The following UBE2V1 variants were observed in gnomAD, a reference collection of about 807,000 sequenced individuals.
UBE2V1 encodes the protein ubiquitin conjugating enzyme E2 V1, also known as ubiquitin-conjugating enzyme E2 variant 1.
Under a neutral mutation model 19.6 loss-of-function variants are expected in UBE2V1, and 15 were observed. That is an observed-to-expected ratio of 0.77 (90% CI 0.51 to 1.18). The LOEUF is 1.18. Ranked by LOEUF, UBE2V1 falls within the 50% of genes most tolerant of loss-of-function variation. UBE2V1 has a pLI of 0.00. For synonymous variants in UBE2V1, 60 were observed against 60.7 expected (o/e 0.99, Z 0.05); for missense variants, 125 against 184.8 (o/e 0.68, Z 1.88).
Position 50,113,147 on chromosome 20 carries a change from GA to G in UBE2V1, c.-20del. ...CTGCCATCTTGCGTCGCTCTTGCTT[GA>G]AGGCCGGCCCCTTCTTCACCCCCCC... On this transcript the variant is annotated 5_prime_UTR_variant, in exon 1 of 4. Coordinates refer to ENST00000371674, the MANE Select transcript of UBE2V1 (RefSeq NM_001032288.3). 1 of 1,341,122 alleles carries G rather than the reference GA, an allele frequency of 7.5e-7. No homozygotes were observed. The highest frequency in any genetic ancestry group is 9.7e-7 in the Non-Finnish European group (1 of 1,033,210). 83.1% of individuals were successfully genotyped at this position (1,341,122 alleles called of 1,614,324 possible). A position where few individuals can be genotyped will look rare whatever the true frequency, so the allele number is the denominator to read the frequency against.
At chr20:50,086,575 C>T (rs73276492) in intron 2 of UBE2V1, among the ~76,000 whole-genome samples, 1,882 of 152,266 alleles carry the variant, frequency 0.012, 38 homozygotes, top group African/African-American at 0.043. Context: ...TCTCCATCAA[C>T]AACTATATAC....
At chr20:50,090,323 A>G (rs1328472586) in intron 2 of UBE2V1, among the ~76,000 whole-genome samples, 2 of 152,214 alleles carry the variant, frequency 1.3e-5, no homozygotes, top group South Asian at 2.1e-4. Context: ...TAGAGAAAAT[A>G]TGGCATATAT....
At chr20:50,101,249 A>G (rs1335331974) in intron 1 of UBE2V1, among the ~76,000 whole-genome samples, 1 of 152,206 alleles carries the variant, frequency 6.6e-6, no homozygotes. Flanking sequence ...GGACTGGCCA[A>G]TATCTATCTG....
intron 2 of UBE2V1, among the ~76,000 whole-genome samples, chr20:50,085,203 C>T (rs1025341235): frequency 6.6e-6 from 1 of 152,038 alleles, no homozygotes; most frequent in African/African-American, 2.4e-5. Context: ...AACCGTCCTT[C>T]TTTAAAAGGC....
At chr20:50,109,929 T>C (rs1182168280) in intron 1 of UBE2V1, among the ~76,000 whole-genome samples, 1 of 152,180 alleles carries the variant, frequency 6.6e-6, no homozygotes, top group Non-Finnish European at 1.5e-5. Flanking sequence ...CAGTGAGACA[T>C]ACAGGAACTG....
chr20:50,093,641 A>C (rs2079373031), intron 2 of UBE2V1, among the ~76,000 whole-genome samples: 1 of 152,310 alleles, frequency 6.6e-6, no homozygotes, highest in Middle Eastern at 3.4e-3. Context: ...AATGTTAAAC[A>C]CAGTTACCAT....
At chr20:50,092,388 A>G (rs1378294299) in intron 2 of UBE2V1, among the ~76,000 whole-genome samples, 2 of 152,108 alleles carry the variant, frequency 1.3e-5, no homozygotes, top group Non-Finnish European at 2.9e-5. Flanking sequence ...GATGAGGGCC[A>G]TTTTTGCCCC....
intron 1 of UBE2V1, among the ~76,000 whole-genome samples, chr20:50,105,850 A>G (rs2080318709): frequency 6.6e-6 from 1 of 152,186 alleles, no homozygotes; most frequent in African/African-American, 2.4e-5. Flanking sequence ...CAATCACTTG[A>G]ACCCGGGAGG....
At chr20:50,100,280 C>G (rs2079901059) in intron 1 of UBE2V1, among the ~76,000 whole-genome samples, 1 of 118,884 alleles carries the variant, frequency 8.4e-6, no homozygotes, top group Non-Finnish European at 1.6e-5. Flanking sequence ...GAACCTGTCT[C>G]TATTTAAAAA....
At chr20:50,109,668 G>C (rs561920704) in intron 1 of UBE2V1, among the ~76,000 whole-genome samples, 6 of 146,878 alleles carry the variant, frequency 4.1e-5, no homozygotes, top group South Asian at 4.3e-4. Context: ...AGAATCGCTT[G>C]AACCTGGGAA....
At chr20:50,108,992 C>T (rs1254514683) in intron 1 of UBE2V1, 1 of 985,416 alleles carries the variant, frequency 1.0e-6, no homozygotes, top group East Asian at 1.1e-4. Flanking sequence ...TTCCTGCAGG[C>T]TGGTGAGGGA....
rs188006684 is a variant in UBE2V1, at chr20:50,088,852, G to A, written c.172-4598C>T. ...GGTATTAATTACAAAAATATGCAAGGAAAATTACAAAATCTAAACATACAA... is the reference window on the plus strand; with the variant it reads ...GGTATTAATTACAAAAATATGCAAGAAAAATTACAAAATCTAAACATACAA... On this transcript the variant is annotated intron_variant, in intron 2 of 3. Coordinates refer to ENST00000371674, the MANE Select transcript of UBE2V1 (RefSeq NM_001032288.3). 1.9e-3 allele frequency among the ~76,000 whole-genome samples: 289 copies of A among 151,498 alleles called. 1 individual carries two copies. Among genetic ancestry groups the A allele is most frequent in the African/African-American group, 6.6e-3 (274 of 41,310 alleles).
intron 1 of UBE2V1, among the ~76,000 whole-genome samples, chr20:50,107,743 A>G (rs1052690401): frequency 6.6e-6 from 1 of 152,230 alleles, no homozygotes; most frequent in Admixed American, 6.5e-5. Flanking sequence ...CTGAGTACCT[A>G]CTATTTTGTC....
chr20:50,089,316 G>C lies in UBE2V1; in HGVS notation c.172-5062C>G, dbSNP rs546749288. Among the ~76,000 whole-genome samples, 3 of 152,286 alleles carry C rather than the reference G, an allele frequency of 2.0e-5. No individual in the cohort carries two copies. In the South Asian group the frequency reaches 6.2e-4, roughly 32 times the overall value. ...GCCTGGCTGCTGCTAGAACCTCCAA[G>C]GAGGGGGCTTGGCGGGATGTGATGA... On this transcript the variant is annotated intron_variant, in intron 2 of 3. Coordinates refer to ENST00000371674, the MANE Select transcript of UBE2V1 (RefSeq NM_001032288.3).
Sources: gnomAD v4.1 joint callset for allele counts (sites outside exome capture counted in the v4.1 genomes callset) on GRCh38, gnomAD v4.1.1 for gene constraint, MANE v1.5 for transcripts, NCBI Gene and HGNC (gene_info 2026-07-23, HGNC 2026-07-21) for gene names.